Variants in KLRG1 observed in about 807,000 individuals in gnomAD.
KLRG1 encodes killer cell lectin-like receptor subfamily G member 1.
KLRG1 carries 16 observed loss-of-function variants against 21.8 expected under a neutral mutation model. The ratio of observed to expected loss-of-function variants is 0.73; its 90% CI spans 0.50 to 1.11. The LOEUF (loss-of-function observed/expected upper bound fraction) is 1.11, where lower values mean the gene tolerates loss of function less well. Ranked by LOEUF, KLRG1 falls within the 50% of genes most tolerant of loss-of-function variation. The pLI is 0.00. For missense variants in KLRG1, 173 were observed against 218.3 expected, an observed-to-expected ratio of 0.79 and a Z score of 1.31; for synonymous variants, 69 against 75.9, an observed-to-expected ratio of 0.91 and a Z score of 0.47.
the KLRG1 span, chr12:9,151,570 T>C: frequency 1.9e-6 from 3 of 1,581,746 alleles, no homozygotes; most frequent in Non-Finnish European, 2.6e-6. Context: ...AGACGACCCA[T>C]ATGTAGTCTC....
At chr12:9,000,917 T>C (rs2137388705) in intron 3 of KLRG1, among the ~76,000 whole-genome samples, 1 of 152,340 alleles carries the variant, frequency 6.6e-6, no homozygotes, top group South Asian at 2.1e-4. Context: ...ACTTTTAGCA[T>C]TGTGTACTTA....
At chr12:9,160,554 CA>C in the KLRG1 span, 1 of 1,447,984 alleles carries the variant, frequency 6.9e-7, no homozygotes, top group South Asian at 1.2e-5. Context: ...ACATTATTAA[CA>C]AAAATGGCCT....
the KLRG1 span, chr12:9,197,122 A>T: frequency 1.1e-5 from 18 of 1,590,202 alleles, no homozygotes; most frequent in African/African-American, 2.2e-4. Context: ...CCATAAGTGT[A>T]TCTGGTACAT....
chr12:9,089,185 A>G, the KLRG1 span: 1 of 1,559,384 alleles, frequency 6.4e-7, no homozygotes, highest in South Asian at 1.2e-5. Context: ...TTAAATTATG[A>G]TGGTTGACTC....
chr12:9,135,433 A>G, the KLRG1 span: 1 of 356,674 alleles, frequency 2.8e-6, no homozygotes, highest in Non-Finnish European at 5.4e-6. Flanking sequence ...ATTGGAGAAG[A>G]TGGCTCCATC....
At chr12:9,194,293 A>AC in the KLRG1 span, 1 of 1,521,498 alleles carries the variant, frequency 6.6e-7, no homozygotes, top group Admixed American at 1.9e-5. Context: ...AGAGGACTGA[A>AC]CTCATGTGAA....
the KLRG1 span, among the ~76,000 whole-genome samples, chr12:9,065,598 C>T: frequency 6.6e-6 from 1 of 152,224 alleles, no homozygotes; most frequent in Non-Finnish European, 1.5e-5. Flanking sequence ...CAGCTGGACA[C>T]TGACTTGCAG....
At chr12:9,004,490 A>G (rs1947408245) in intron 3 of KLRG1, among the ~76,000 whole-genome samples, 1 of 152,122 alleles carries the variant, frequency 6.6e-6, no homozygotes. Context: ...TAAAAAAGAG[A>G]TGGGATCTTG....
chr12:9,113,319 C>A, the KLRG1 span: 1 of 1,602,978 alleles, frequency 6.2e-7, no homozygotes, highest in Non-Finnish European at 8.5e-7. Flanking sequence ...ATGACCCTGA[C>A]TAAAAGAACC....
chr12:9,114,177 CAATGGCTCCATCCAAA>C, the KLRG1 span, among the ~76,000 whole-genome samples: 1 of 152,188 alleles, frequency 6.6e-6, no homozygotes, highest in African/African-American at 2.4e-5. Flanking sequence ...CATGATTAGA[CAATGGCTCCATCCAAA>C]AATGGTCCTC....
chr12:9,064,682 A>AGTCG, the KLRG1 span: 3 of 153,792 alleles, frequency 2.0e-5, no homozygotes, highest in Admixed American at 2.0e-4. The surrounding 1 kb of genome is among the most constrained non-coding windows in gnomAD (Gnocchi z 4.0). Flanking sequence ...GAAGCAGTGT[A>AGTCG]GTCGGGCACG....
At chr12:9,171,146 G>A in the KLRG1 span, among the ~76,000 whole-genome samples, 1 of 152,348 alleles carries the variant, frequency 6.6e-6, no homozygotes, top group East Asian at 1.9e-4. Flanking sequence ...CTAGAGGAAG[G>A]CACAGGCTGC....
At chr12:9,193,454 A>G in the KLRG1 span, among the ~76,000 whole-genome samples, 2 of 152,200 alleles carry the variant, frequency 1.3e-5, no homozygotes, top group Middle Eastern at 3.2e-3. Flanking sequence ...GAAAATAGGA[A>G]ATTTTAAAGT....
the KLRG1 span, chr12:9,099,466 C>T: frequency 9.9e-6 from 16 of 1,608,660 alleles, no homozygotes; most frequent in East Asian, 6.7e-5. Context: ...GATGAGCAAC[C>T]GAGCGACAGG....
the KLRG1 span, among the ~76,000 whole-genome samples, chr12:9,087,639 C>G: frequency 0.29 from 43,646 of 151,938 alleles, 7,484 homozygotes; most frequent in South Asian, 0.37. Flanking sequence ...TTCAAACTTG[C>G]TTAGAGAATT....
At chr12:9,150,553 T>C in the KLRG1 span, 9 of 844,658 alleles carry the variant, frequency 1.1e-5, no homozygotes, top group Non-Finnish European at 1.7e-5. Context: ...AAGATTAATG[T>C]TGACTAAGTG....
chr12:9,003,144 T>C (rs1015449950), intron 3 of KLRG1, among the ~76,000 whole-genome samples: 1 of 152,110 alleles, frequency 6.6e-6, no homozygotes, highest in African/African-American at 2.4e-5. Flanking sequence ...AGCACAGGAT[T>C]GGGGTTTGTA....
At chr12:9,168,632 A>G in the KLRG1 span, 1 of 417,992 alleles carries the variant, frequency 2.4e-6, no homozygotes, top group Non-Finnish European at 4.2e-6. Context: ...ACAGTACATC[A>G]GAATCTTGTA....
chr12:9,184,098 G>A, the KLRG1 span, among the ~76,000 whole-genome samples: 6 of 152,182 alleles, frequency 3.9e-5, no homozygotes, highest in Admixed American at 3.9e-4. Flanking sequence ...AATAGTGGTA[G>A]GAAATTAAAG....
Sources: allele counts gnomAD v4.1 joint callset (sites outside exome capture counted in the v4.1 genomes callset), GRCh38; gene constraint gnomAD v4.1.1; non-coding constraint Gnocchi (gnomAD v3.1); transcripts MANE v1.5; gene names NCBI Gene and HGNC (gene_info 2026-07-23, HGNC 2026-07-21).